RCL1: variants seen among roughly 807,000 people sequenced by gnomAD.
RCL1 encodes the protein RNA terminal phosphate cyclase like 1.
A neutral mutation model predicts 42.4 loss-of-function variants in RCL1; 24 were observed. That is an observed-to-expected ratio of 0.57 (90% CI 0.41 to 0.80). The LOEUF (loss-of-function observed/expected upper bound fraction) is 0.80. Among genes scored for constraint, RCL1 ranks in the 30% least tolerant of loss-of-function variants. RCL1 has a pLI of 0.00. For synonymous variants in RCL1, 228 were observed against 177.3 expected (o/e 1.29, Z -2.27); for missense variants, 578 against 467.9 (o/e 1.24, Z -2.17).
At chr9:4,829,795 G>A (rs1256730953) in intron 3 of RCL1, among the ~76,000 whole-genome samples, 1 of 152,262 alleles carries the variant, frequency 6.6e-6, no homozygotes, top group Admixed American at 6.5e-5. Flanking sequence ...ATTATGATAG[G>A]GCAGTGTGAC....
intron 8 of RCL1, among the ~76,000 whole-genome samples, chr9:4,857,849 C>T (rs901862343): frequency 1.3e-5 from 2 of 150,952 alleles, no homozygotes; most frequent in African/African-American, 4.9e-5. Context: ...TTGATTTTCA[C>T]TTCCCTAATA....
chr9:4,797,466 A>G (rs1291371005), intron 1 of RCL1, among the ~76,000 whole-genome samples: 1 of 152,150 alleles, frequency 6.6e-6, no homozygotes, highest in Non-Finnish European at 1.5e-5. Flanking sequence ...GTAGTTTTCA[A>G]CCAGGGGCAC....
At chr9:4,798,404 A>G (rs1480849427) in intron 1 of RCL1, among the ~76,000 whole-genome samples, 1 of 152,242 alleles carries the variant, frequency 6.6e-6, no homozygotes, top group Admixed American at 6.5e-5. Flanking sequence ...ACTACCCAGG[A>G]TCCTGAGCAG....
intron 2 of RCL1, among the ~76,000 whole-genome samples, chr9:4,824,134 T>C (rs1816682634): frequency 6.6e-6 from 1 of 152,236 alleles, no homozygotes; most frequent in African/African-American, 2.4e-5. Flanking sequence ...TATTATCACA[T>C]TAAATTATTT....
At chr9:4,855,490 G>T (rs1013211863) in intron 8 of RCL1, among the ~76,000 whole-genome samples, 4 of 152,188 alleles carry the variant, frequency 2.6e-5, no homozygotes, top group Non-Finnish European at 5.9e-5. Flanking sequence ...AGCTGCTGCT[G>T]TGGAGAGCTG....
intron 1 of RCL1, among the ~76,000 whole-genome samples, chr9:4,796,623 C>T (rs886846862): frequency 7.9e-5 from 12 of 152,280 alleles, no homozygotes; most frequent in African/African-American, 1.9e-4. Context: ...TGGTCTTGAA[C>T]TCCTGGACTC....
intron 1 of RCL1, among the ~76,000 whole-genome samples, chr9:4,818,899 T>C (rs537106767): frequency 2.0e-5 from 3 of 151,228 alleles, no homozygotes; most frequent in African/African-American, 7.3e-5. Flanking sequence ...GAAAAAGAAA[T>C]TGAAATCACA....
At chr9:4,803,491 A>G (rs906992918) in intron 1 of RCL1, among the ~76,000 whole-genome samples, 7 of 152,158 alleles carry the variant, frequency 4.6e-5, no homozygotes, top group African/African-American at 1.7e-4. Flanking sequence ...CCTTATATCC[A>G]CAACTTCCAG....
chr9:4,822,815 TTAAAAA>T lies in RCL1; in HGVS notation c.137-728_137-723del, dbSNP rs1287696683. On this transcript the variant is annotated intron_variant, in intron 1 of 8. Coordinates refer to ENST00000381750, the MANE Select transcript of RCL1 (RefSeq NM_005772.5). ...CAGTTTGGGCAACAAACCCTGTCTC[TTAAAAA>T]TAAATAAATAAACTTTTAATATAAA... Among the ~76,000 whole-genome samples, 4 of 152,066 alleles carry T rather than the reference TTAAAAA, an allele frequency of 2.6e-5. No homozygotes were observed. The East Asian group carries it at 7.7e-4, about 29-fold the overall frequency.
chr9:4,839,668 C>T lies in RCL1; in HGVS notation c.585-1564C>T, dbSNP rs41279563. ...CTGGGCTGTGTGTGTATTGAAAAAT[C>T]CCTCTTTGCTCTTTCCTCATTTCAG... On this transcript the variant is annotated intron_variant, in intron 5 of 8. Coordinates refer to ENST00000381750, the MANE Select transcript of RCL1 (RefSeq NM_005772.5). 3,670 of 985,252 alleles carry T rather than the reference C, an allele frequency of 3.7e-3. 7 individuals are homozygous for T. Among genetic ancestry groups the T allele is most frequent in the Non-Finnish European group, 4.2e-3 (3,477 of 829,790 alleles). 61.0% of individuals were successfully genotyped at this position (985,252 alleles called of 1,614,324 possible). A position where few individuals can be genotyped will look rare whatever the true frequency, so the allele number is the denominator to read the frequency against.
chr9:4,859,197 T>C (rs1390351285), intron 8 of RCL1, among the ~76,000 whole-genome samples: 1 of 152,218 alleles, frequency 6.6e-6, no homozygotes, highest in Non-Finnish European at 1.5e-5. Flanking sequence ...CTTCCCAAGG[T>C]ACTCTTGGAC....
rs185101702 is a variant in RCL1, at chr9:4,808,908, A to C, written c.137-14640A>C. On this transcript the variant is annotated intron_variant, in intron 1 of 8. Transcript: ENST00000381750. ...TAATACATGTTTGTTTGGGGGAACA[A>C]CTCTTAATGATTTAAAACTGAAAGT... 9.9e-5 allele frequency among the ~76,000 whole-genome samples: 15 copies of C among 152,226 alleles called. No individual in the cohort carries two copies. The East Asian group carries it at 2.7e-3, about 27-fold the overall frequency.
intron 7 of RCL1, 97 bp downstream of exon 7, chr9:4,844,778 A>C (rs2236498): frequency 0.2 from 254,668 of 1,249,770 alleles, 28,548 homozygotes; most frequent in East Asian, 0.51. Flanking sequence ...CCAAGGGCTC[A>C]AGCCAAGGAG....
chr9:4,850,258 G>C, intron 8 of RCL1: 1 of 526,216 alleles, frequency 1.9e-6, no homozygotes, highest in South Asian at 1.4e-5. Flanking sequence ...AGGTTGGTGA[G>C]CTGGGTGGCA....
At chr9:4,845,700 G>T (rs939820114) in intron 7 of RCL1, among the ~76,000 whole-genome samples, 1 of 152,340 alleles carries the variant, frequency 6.6e-6, no homozygotes, top group African/African-American at 2.4e-5. Flanking sequence ...GTCCAGGAAA[G>T]GCTCTGAAGG....
chr9:4,803,303 C>G (rs1435665448), intron 1 of RCL1, among the ~76,000 whole-genome samples: 2 of 152,164 alleles, frequency 1.3e-5, no homozygotes, highest in African/African-American at 2.4e-5. Flanking sequence ...AACCAAGCAC[C>G]ATTATTTAGG....
At chr9:4,836,074 G>C (rs989149611) in intron 5 of RCL1, among the ~76,000 whole-genome samples, 11 of 152,138 alleles carry the variant, frequency 7.2e-5, no homozygotes, top group Non-Finnish European at 1.3e-4. Context: ...GACAAGGATG[G>C]TAAAGATGTG....
At chr9:4,854,314 T>C (rs1405797909) in intron 8 of RCL1, among the ~76,000 whole-genome samples, 1 of 152,162 alleles carries the variant, frequency 6.6e-6, no homozygotes, top group Non-Finnish European at 1.5e-5. Flanking sequence ...TGGAAAAGCC[T>C]CTATTCAGCA....
At chr9:4,845,603 A>AT (rs1274787868) in intron 7 of RCL1, among the ~76,000 whole-genome samples, 1 of 152,206 alleles carries the variant, frequency 6.6e-6, no homozygotes. Flanking sequence ...AGGGTCACAA[A>AT]TCTGGGTCCA....
Sources: gnomAD v4.1 joint callset for allele counts (sites outside exome capture counted in the v4.1 genomes callset) on GRCh38, gnomAD v4.1.1 for gene constraint, MANE v1.5 for transcripts, NCBI Gene and HGNC (gene_info 2026-07-23, HGNC 2026-07-21) for gene names.